Variants in FARP1 observed in about 807,000 individuals in gnomAD.
The protein encoded by FARP1 is FERM, ARHGEF and pleckstrin domain-containing protein 1.
FARP1 carries 52 observed loss-of-function variants against 128.8 expected under a neutral mutation model. The observed-to-expected ratio is 0.40, with a 90% confidence interval of 0.32 to 0.51. The LOEUF (loss-of-function observed/expected upper bound fraction) is 0.51, where lower values mean the gene tolerates loss of function less well. Ranked by LOEUF, FARP1 falls within the 20% of genes least tolerant of loss-of-function variation. The pLI is 0.45. For synonymous variants in FARP1, 580 were observed against 551.8 expected, an observed-to-expected ratio of 1.05 and a Z score of -0.72; for missense variants, 1,333 against 1,367.9, an observed-to-expected ratio of 0.97 and a Z score of 0.40.
intron 19 of FARP1, among the ~76,000 whole-genome samples, chr13:98,438,257 G>C (rs1462259739): frequency 6.6e-6 from 1 of 152,162 alleles, no homozygotes; most frequent in Admixed American, 6.5e-5. Flanking sequence ...TCATTGAGAA[G>C]CAGGGTTTTC....
At chr13:98,224,071 T>C (rs980249901) in intron 2 of FARP1, among the ~76,000 whole-genome samples, 1 of 152,188 alleles carries the variant, frequency 6.6e-6, no homozygotes, top group African/African-American at 2.4e-5. Flanking sequence ...CCATTTCCTT[T>C]GATCTAGGCA....
At chr13:98,197,887 G>A (rs1164822881) in intron 1 of FARP1, among the ~76,000 whole-genome samples, 1 of 151,774 alleles carries the variant, frequency 6.6e-6, no homozygotes, top group Non-Finnish European at 1.5e-5. Flanking sequence ...CGTTCGCCTC[G>A]TCCTCCCAAA....
At chr13:98,208,603 G>A (rs1360497476) in intron 1 of FARP1, 1 of 152,808 alleles carries the variant, frequency 6.5e-6, no homozygotes, top group Non-Finnish European at 1.5e-5. Flanking sequence ...GTTACCAGAC[G>A]ACATAAGGAG....
intron 2 of FARP1, among the ~76,000 whole-genome samples, chr13:98,342,904 A>G (rs1489988367): frequency 2.0e-5 from 3 of 151,784 alleles, no homozygotes; most frequent in Non-Finnish European, 4.4e-5. Context: ...CATGCCTGTA[A>G]TCCCAGCTAC....
intron 2 of FARP1, among the ~76,000 whole-genome samples, chr13:98,278,395 ATG>A (rs769498553): frequency 1.3e-5 from 2 of 151,984 alleles, no homozygotes; most frequent in South Asian, 2.1e-4. Flanking sequence ...CACGTTGCAT[ATG>A]TGTGTGAGTG....
chr13:98,268,971 A>G (rs1872581997), intron 2 of FARP1, among the ~76,000 whole-genome samples: 1 of 151,926 alleles, frequency 6.6e-6, no homozygotes, highest in Non-Finnish European at 1.5e-5. Context: ...GGCTCAAGGG[A>G]TACTCCTGCC....
intron 1 of FARP1, among the ~76,000 whole-genome samples, chr13:98,175,279 G>C (rs1211020141): frequency 6.6e-6 from 1 of 152,192 alleles, no homozygotes; most frequent in Non-Finnish European, 1.5e-5. Context: ...GCGTGGATCT[G>C]TTGGTGTTTG....
intron 5 of FARP1, among the ~76,000 whole-genome samples, chr13:98,370,577 G>C (rs895010232): frequency 1.5e-5 from 2 of 136,616 alleles, no homozygotes; most frequent in African/African-American, 6.3e-5. Flanking sequence ...TGAGTGACTG[G>C]GGGGGAGATG....
chr13:98,146,095 C>A lies in FARP1; in HGVS notation c.-24+2603C>A, dbSNP rs143620560. 8.7e-3 allele frequency among the ~76,000 whole-genome samples: 1,323 copies of A among 152,162 alleles called. 19 individuals are homozygous for A. The highest frequency in any genetic ancestry group is 0.03 in the African/African-American group (1,261 of 41,508). ...ATCAGAAAAAAACAACTCTTTTCAT[C>A]CTGGACGGGATTAGAGAATACTAGA... is the stretch of plus-strand genomic sequence containing the variant. On this transcript the variant is annotated intron_variant, in intron 1 of 26. Coordinates refer to ENST00000319562, the MANE Select transcript of FARP1 (RefSeq NM_005766.4).
rs1276464319 is a variant in FARP1 at position 98,343,848 on chromosome 13, T to C, written c.258T>C (p.Pro86=). Residue 86 remains proline (P), a synonymous_variant, in exon 3 of 27, where the codon CCT becomes CCC. Transcript: ENST00000319562. ...GTGACTATTTTGGCCTCGAGTTTCC[T>C]GATCACAAAAAGATCACGGTAGGTG... ...VEGDYFGLEF[P]DHKKITVWLD... 2 of 1,611,324 alleles carry C rather than the reference T, an allele frequency of 1.2e-6. No individual in the cohort carries two copies. The highest frequency in any genetic ancestry group is 1.7e-6 in the Non-Finnish European group (2 of 1,178,446).
chr13:98,290,751 C>T (rs1885411188), intron 2 of FARP1, among the ~76,000 whole-genome samples: 1 of 152,058 alleles, frequency 6.6e-6, no homozygotes, highest in Admixed American at 6.6e-5. Context: ...TACATTTTGA[C>T]AGTAGAGCTG....
In FARP1 at chr13:98,273,041, T is replaced by C. The variant is rs541871138; in HGVS notation, c.171+59628T>C. Among the ~76,000 whole-genome samples, 14 of 152,256 alleles carry C rather than the reference T, an allele frequency of 9.2e-5. No homozygotes were observed. In the South Asian group the frequency reaches 2.9e-3, roughly 32 times the overall value. On this transcript the variant is annotated intron_variant, in intron 2 of 26. Transcript: ENST00000319562. The stretch of plus-strand genomic sequence containing the variant: ...CCTGAGAAAGTGCGCCCAAGGTGGT[T>C]GGGTTACAGTTTGGTTTTGTATATT...
At chr13:98,275,990 A>G (rs1309297939) in intron 2 of FARP1, among the ~76,000 whole-genome samples, 5 of 152,190 alleles carry the variant, frequency 3.3e-5, no homozygotes, top group Admixed American at 6.5e-5. Context: ...GTCATTATGG[A>G]AAGTCCTAAG....
chr13:98,326,236 T>G (rs1037310357), intron 2 of FARP1, among the ~76,000 whole-genome samples: 3 of 152,244 alleles, frequency 2.0e-5, no homozygotes, highest in Non-Finnish European at 4.4e-5. Flanking sequence ...GCCTATAATA[T>G]CGTTCTGGAA....
chr13:98,289,494 C>G (rs1885350152), intron 2 of FARP1, among the ~76,000 whole-genome samples: 1 of 152,162 alleles, frequency 6.6e-6, no homozygotes, highest in Non-Finnish European at 1.5e-5. Context: ...ATGCAGTGAA[C>G]AATCTGTAAA....
At chr13:98,249,698 C>T (rs1883233602) in intron 2 of FARP1, among the ~76,000 whole-genome samples, 1 of 152,100 alleles carries the variant, frequency 6.6e-6, no homozygotes, top group South Asian at 2.1e-4. Context: ...ACAAGATGTA[C>T]ATCTCCCAAA....
At chr13:98,421,904 T>C (rs1891608864) in intron 16 of FARP1, among the ~76,000 whole-genome samples, 1 of 152,122 alleles carries the variant, frequency 6.6e-6, no homozygotes, top group African/African-American at 2.4e-5. Flanking sequence ...GATTTGGTGT[T>C]GGAAATAAGA....
In FARP1 at chr13:98,213,301, C is replaced by T. The variant is rs758725627; in HGVS notation, c.59C>T (p.Ser20Leu). ...TCACGACTGGGGGCCCCGGAAAATT[C>T]GGGGATCAGTACCTTGGAACGTGGA... The part of the protein sequence containing the change: ...PGSRLGAPEN[S>L]GISTLERGQK... The change falls in exon 2 of 27, where the codon TCG (serine) becomes TTG (leucine). Residue 20 changes from serine to leucine, a missense_variant. Coordinates refer to ENST00000319562, the MANE Select transcript of FARP1 (RefSeq NM_005766.4). The T allele has an allele frequency of 1.1e-5, 17 of 1,613,928 alleles. No homozygotes were observed. Among genetic ancestry groups the T allele is most frequent in the South Asian group, 8.8e-5 (8 of 91,068 alleles).
chr13:98,228,533 G>A (rs191340600), intron 2 of FARP1, among the ~76,000 whole-genome samples: 9 of 151,832 alleles, frequency 5.9e-5, no homozygotes, highest in Non-Finnish European at 1.2e-4. Context: ...ACCATTCATC[G>A]CATCATTTGG....
Sources: gnomAD v4.1 joint callset for allele counts (sites outside exome capture counted in the v4.1 genomes callset) on GRCh38, gnomAD v4.1.1 for gene constraint, MANE v1.5 for transcripts, NCBI Gene and HGNC (gene_info 2026-07-23, HGNC 2026-07-21) for gene names.